YAP1: variants seen among roughly 807,000 people sequenced by gnomAD.
The protein encoded by YAP1 is transcriptional coactivator YAP1.
Under a neutral mutation model 56.9 loss-of-function variants are expected in YAP1, and 5 were observed. That is an observed-to-expected ratio of 0.09 (90% CI 0.05 to 0.18). The LOEUF (loss-of-function observed/expected upper bound fraction) is 0.18, where lower values mean the gene tolerates loss of function less well. YAP1 is among the 10% of genes least tolerant of loss of function. The probability of loss-of-function intolerance (pLI) is 1.00; values close to 1 mark genes in which losing one functional copy is unlikely to be tolerated. For synonymous variants in YAP1, 265 were observed against 248.1 expected, an observed-to-expected ratio of 1.07 and a Z score of -0.64; for missense variants, 539 against 651.8, an observed-to-expected ratio of 0.83 and a Z score of 1.88.
At chr11:102,199,022 CTA>C (rs565016144) in intron 4 of YAP1, among the ~76,000 whole-genome samples, 2 of 151,964 alleles carry the variant, frequency 1.3e-5, no homozygotes, top group Non-Finnish European at 2.9e-5. Flanking sequence ...ATGTGTATGT[CTA>C]TGTGTTTGTG....
chr11:102,226,710 G>A (rs1181651745), intron 7 of YAP1, among the ~76,000 whole-genome samples: 1 of 152,036 alleles, frequency 6.6e-6, no homozygotes, highest in Non-Finnish European at 1.5e-5. Context: ...ATCTGTGTTG[G>A]GTCATTTTAT....
chr11:102,112,157 C>T (rs1942975536), intron 1 of YAP1, among the ~76,000 whole-genome samples: 1 of 152,222 alleles, frequency 6.6e-6, no homozygotes, highest in South Asian at 2.1e-4. Flanking sequence ...TGCAGGTTGA[C>T]TCATAGGCCA....
chr11:102,194,863 T>G (rs1419611815), intron 4 of YAP1, among the ~76,000 whole-genome samples: 1 of 152,242 alleles, frequency 6.6e-6, no homozygotes, highest in Admixed American at 6.5e-5. Flanking sequence ...TGTTTATTCA[T>G]TAATCTAACA....
chr11:102,213,387 G>C (rs904595838), intron 6 of YAP1, among the ~76,000 whole-genome samples: 25 of 152,236 alleles, frequency 1.6e-4, no homozygotes, highest in African/African-American at 6.0e-4. Context: ...TCAGGAGGCT[G>C]AGGAGGGAGA....
intron 2 of YAP1, among the ~76,000 whole-genome samples, chr11:102,159,650 G>A (rs1459271431): frequency 1.3e-5 from 2 of 152,078 alleles, no homozygotes; most frequent in Non-Finnish European, 2.9e-5. Flanking sequence ...TCACAGTCCT[G>A]GTTGCTTTTA....
intron 1 of YAP1, among the ~76,000 whole-genome samples, chr11:102,111,806 CT>C (rs1565413286): frequency 2.0e-5 from 3 of 152,074 alleles, no homozygotes; most frequent in Non-Finnish European, 4.4e-5. Flanking sequence ...GTTTTTTGCT[CT>C]TTCTTTCCTT....
chr11:102,205,671 C>G (rs774769642), intron 4 of YAP1, among the ~76,000 whole-genome samples: 6 of 151,082 alleles, frequency 4.0e-5, no homozygotes, highest in Non-Finnish European at 8.8e-5. Context: ...GTTAAAACTA[C>G]GTCTTGTTTC....
intron 6 of YAP1, among the ~76,000 whole-genome samples, chr11:102,213,676 C>T (rs187071363): frequency 1.3e-5 from 2 of 152,176 alleles, no homozygotes; most frequent in Non-Finnish European, 2.9e-5. Context: ...ATTCTGCTCA[C>T]AAGCTTTTCC....
chr11:102,129,690 T>A (rs1439593772), intron 2 of YAP1, among the ~76,000 whole-genome samples: 1 of 152,052 alleles, frequency 6.6e-6, no homozygotes, highest in Non-Finnish European at 1.5e-5. Flanking sequence ...TATTGTTTTT[T>A]ATCTCAAGTT....
At chr11:102,221,650 A>G (rs1285198833) in intron 6 of YAP1, among the ~76,000 whole-genome samples, 3 of 151,916 alleles carry the variant, frequency 2.0e-5, no homozygotes, top group East Asian at 1.9e-4. Flanking sequence ...TTGAGCCTAG[A>G]AGGTCAAGGC....
chr11:102,146,348 TCTC>T (rs943652024), intron 2 of YAP1, among the ~76,000 whole-genome samples: 2 of 152,006 alleles, frequency 1.3e-5, no homozygotes, highest in Non-Finnish European at 2.9e-5. Context: ...ATCTGCCATC[TCTC>T]CTCCTCACTC....
intron 2 of YAP1, among the ~76,000 whole-genome samples, chr11:102,148,984 T>C (rs1365137413): frequency 6.6e-6 from 1 of 152,210 alleles, no homozygotes; most frequent in East Asian, 1.9e-4. Flanking sequence ...AGATAGAGCC[T>C]ATTAAAATAT....
chr11:102,130,134 A>G (rs141103778), intron 2 of YAP1, among the ~76,000 whole-genome samples: 1 of 152,298 alleles, frequency 6.6e-6, no homozygotes, highest in East Asian at 1.9e-4. Context: ...TATAGCAGTC[A>G]GAGAAGAGGG....
At chr11:102,180,669 A>C (rs906077775) in intron 3 of YAP1, among the ~76,000 whole-genome samples, 2 of 143,692 alleles carry the variant, frequency 1.4e-5, no homozygotes, top group African/African-American at 5.2e-5. Context: ...GCGACTGAGC[A>C]AGACTCCATC....
At chr11:102,216,902 G>A (rs1949697613) in intron 6 of YAP1, among the ~76,000 whole-genome samples, 1 of 152,160 alleles carries the variant, frequency 6.6e-6, no homozygotes. Context: ...TCTAACTGAA[G>A]CAAGTATTTT....
At chr11:102,115,615 A>G (rs983646092) in intron 2 of YAP1, among the ~76,000 whole-genome samples, 1 of 151,938 alleles carries the variant, frequency 6.6e-6, no homozygotes, top group Non-Finnish European at 1.5e-5. Flanking sequence ...TTTTAAAAAA[A>G]TTCATTTTCT....
chr11:102,199,538 GT>G lies in YAP1; in HGVS notation c.803-6347del, dbSNP rs968837169. ...TAAGTCTTCGTGAGTTAATAAATAT[GT>G]TTTTTTTCCATATGAGATTAATAAG... On this transcript the variant is annotated intron_variant, in intron 4 of 8. Coordinates refer to ENST00000282441, the MANE Select transcript of YAP1 (RefSeq NM_001130145.3). Among the ~76,000 whole-genome samples, 24 of 152,002 alleles carry G rather than the reference GT, an allele frequency of 1.6e-4. No homozygotes were observed. The South Asian group carries it at 3.9e-3, about 25-fold the overall frequency.
intron 2 of YAP1, among the ~76,000 whole-genome samples, chr11:102,122,436 A>AT (rs1252102559): frequency 6.7e-6 from 1 of 149,266 alleles, no homozygotes; most frequent in Non-Finnish European, 1.5e-5. Context: ...AAAAAAAAAA[A>AT]GAAGGAAAGA....
intron 3 of YAP1, among the ~76,000 whole-genome samples, chr11:102,163,887 A>G (rs1946439986): frequency 6.6e-6 from 1 of 152,210 alleles, no homozygotes; most frequent in Admixed American, 6.5e-5. Flanking sequence ...TTAAGAGTGG[A>G]AAACAAAGAA....
Sources: allele counts gnomAD v4.1 joint callset (sites outside exome capture counted in the v4.1 genomes callset), GRCh38; gene constraint gnomAD v4.1.1; transcripts MANE v1.5; gene names NCBI Gene and HGNC (gene_info 2026-07-23, HGNC 2026-07-21).